Variants in MND1 observed in about 807,000 individuals in gnomAD.
MND1 encodes the protein meiotic nuclear division protein 1 homolog.
A neutral mutation model predicts 35.1 loss-of-function variants in MND1; 28 were observed. The ratio of observed to expected loss-of-function variants is 0.80; its 90% CI spans 0.59 to 1.09. The LOEUF (loss-of-function observed/expected upper bound fraction) is 1.09, where lower values mean the gene tolerates loss of function less well. Ranked by LOEUF, MND1 falls within the 50% of genes least tolerant of loss-of-function variation. The pLI, the probability that MND1 is intolerant of heterozygous loss-of-function variation, is 0.00. For missense variants in MND1, 213 were observed against 239.6 expected (o/e 0.89, Z 0.73); for synonymous variants, 69 against 70.5 (o/e 0.98, Z 0.11).
chr4:153,374,433 T>C (rs535205688), intron 4 of MND1, among the ~76,000 whole-genome samples: 1 of 152,234 alleles, frequency 6.6e-6, no homozygotes, highest in African/African-American at 2.4e-5. Flanking sequence ...ACTGCCTAAA[T>C]GAGCATTAGA....
intron 4 of MND1, among the ~76,000 whole-genome samples, chr4:153,379,320 GAAAAGA>G (rs1728602713): frequency 8.0e-6 from 1 of 125,220 alleles, no homozygotes; most frequent in African/African-American, 3.1e-5. Context: ...AGAAGAAGAA[GAAAAGA>G]AAAAAAAAAA....
At chr4:153,356,061 A>G (rs899234726) in intron 3 of MND1, among the ~76,000 whole-genome samples, 1 of 152,176 alleles carries the variant, frequency 6.6e-6, no homozygotes, top group African/African-American at 2.4e-5. Context: ...AGTCCCAGCC[A>G]CTCTGGAGGC....
At chr4:153,352,346 G>T (rs1052919631) in intron 2 of MND1, among the ~76,000 whole-genome samples, 10 of 152,084 alleles carry the variant, frequency 6.6e-5, no homozygotes, top group African/African-American at 2.4e-4. Context: ...TAAATTATTT[G>T]CCCGTTGCAC....
chr4:153,355,070 G>A (rs558998558), intron 2 of MND1, among the ~76,000 whole-genome samples: 47 of 152,178 alleles, frequency 3.1e-4, no homozygotes, highest in African/African-American at 1.0e-3. Context: ...AGGCTGAAGT[G>A]GGATGATTGT....
At chr4:153,357,840 A>G (rs1261527828) in intron 3 of MND1, among the ~76,000 whole-genome samples, 4 of 152,114 alleles carry the variant, frequency 2.6e-5, no homozygotes, top group African/African-American at 2.4e-5. Context: ...GTTATTGACA[A>G]TTTTTTTCTG....
intron 4 of MND1, among the ~76,000 whole-genome samples, chr4:153,384,889 A>G (rs1355903061): frequency 6.6e-6 from 1 of 152,164 alleles, no homozygotes; most frequent in Admixed American, 6.5e-5. Context: ...ATTGCTGGAA[A>G]TTTAACCCTC....
chr4:153,412,991 G>A (rs968958112), intron 7 of MND1, among the ~76,000 whole-genome samples: 2 of 151,980 alleles, frequency 1.3e-5, no homozygotes, highest in African/African-American at 4.8e-5. Flanking sequence ...ATTGTTAGTA[G>A]AGACAGGATT....
intron 4 of MND1, among the ~76,000 whole-genome samples, chr4:153,359,212 C>G (rs1157469594): frequency 6.6e-6 from 1 of 152,116 alleles, no homozygotes; most frequent in South Asian, 2.1e-4. Flanking sequence ...TCTCTTCTCC[C>G]GAAACCGTAG....
intron 4 of MND1, among the ~76,000 whole-genome samples, chr4:153,360,884 G>T (rs1773472769): frequency 6.6e-6 from 1 of 151,950 alleles, no homozygotes; most frequent in African/African-American, 2.4e-5. Context: ...TTGTCACCCA[G>T]TCTGGAGTGT....
intron 4 of MND1, among the ~76,000 whole-genome samples, chr4:153,370,762 G>C (rs1773770649): frequency 6.6e-6 from 1 of 151,894 alleles, no homozygotes; most frequent in South Asian, 2.1e-4. Flanking sequence ...TAAGTGATCT[G>C]CCCACCTCAG....
At chr4:153,348,209 T>C (rs1773118801) in intron 1 of MND1, among the ~76,000 whole-genome samples, 1 of 152,090 alleles carries the variant, frequency 6.6e-6, no homozygotes, top group South Asian at 2.1e-4. Flanking sequence ...ATTGGTTGGA[T>C]GTGAGATAAG....
At chr4:153,361,678 A>G in intron 4 of MND1, 1 of 383,284 alleles carries the variant, frequency 2.6e-6, no homozygotes, top group South Asian at 1.9e-5. Flanking sequence ...TCCACTAAAA[A>G]TACAAAAAAA....
intron 4 of MND1, among the ~76,000 whole-genome samples, chr4:153,389,628 T>C (rs766071147): frequency 6.6e-6 from 1 of 152,240 alleles, no homozygotes; most frequent in African/African-American, 2.4e-5. Flanking sequence ...CTCAAAGTGC[T>C]GGGATTACTG....
At chr4:153,357,689 C>T (rs1773381121) in intron 3 of MND1, among the ~76,000 whole-genome samples, 1 of 151,966 alleles carries the variant, frequency 6.6e-6, no homozygotes, top group South Asian at 2.1e-4. Flanking sequence ...TCCTAATGTC[C>T]CCAGACAAAT....
At chr4:153,366,463 T>C (rs1165131500) in intron 4 of MND1, among the ~76,000 whole-genome samples, 1 of 152,184 alleles carries the variant, frequency 6.6e-6, no homozygotes, top group African/African-American at 2.4e-5. Flanking sequence ...GCTTTGACCA[T>C]GTTAAGTTTG....
chr4:153,407,114 G>A (rs1407308190), intron 6 of MND1, among the ~76,000 whole-genome samples: 1 of 152,200 alleles, frequency 6.6e-6, no homozygotes, highest in Admixed American at 6.5e-5. Context: ...TGAGATTTGA[G>A]TGGGGACACA....
At chr4:153,400,164 C>T (rs1053978446) in intron 6 of MND1, among the ~76,000 whole-genome samples, 1 of 152,054 alleles carries the variant, frequency 6.6e-6, no homozygotes, top group Non-Finnish European at 1.5e-5. Context: ...TCCCCTTGGC[C>T]TCCCAAAGTT....
chr4:153,359,779 C>CTTTTT (rs34112305), intron 4 of MND1, among the ~76,000 whole-genome samples: 7 of 62,162 alleles, frequency 1.1e-4, no homozygotes, highest in African/African-American at 2.3e-4. Context: ...TTTGGAAGAT[C>CTTTTT]TTTTTTTTTT....
At chr4:153,384,449 T>TC (rs1279898449) in intron 4 of MND1, among the ~76,000 whole-genome samples, 3 of 91,094 alleles carry the variant, frequency 3.3e-5, no homozygotes, top group Admixed American at 1.0e-4. Context: ...TTTAATTTTT[T>TC]TTTTTTTTTT....
Sources: gnomAD v4.1 joint callset for allele counts (sites outside exome capture counted in the v4.1 genomes callset) on GRCh38, gnomAD v4.1.1 for gene constraint, MANE v1.5 for transcripts, NCBI Gene and HGNC (gene_info 2026-07-23, HGNC 2026-07-21) for gene names.